ZFHX3: variants seen among roughly 807,000 people sequenced by gnomAD.
ZFHX3 encodes the protein zinc finger homeobox protein 3.
ZFHX3 carries 42 observed loss-of-function variants against 279.1 expected under a neutral mutation model. The observed-to-expected ratio is 0.15, with a 90% CI of 0.12 to 0.19. ZFHX3 has a LOEUF of 0.19. Ranked by LOEUF, ZFHX3 falls within the 10% of genes least tolerant of loss-of-function variation. The pLI is 1.00. For missense variants in ZFHX3, 4,981 were observed against 4,754.0 expected, an observed-to-expected ratio of 1.05 and a Z score of -1.40; for synonymous variants, 2,293 against 1,957.8, an observed-to-expected ratio of 1.17 and a Z score of -4.52.
At chr16:73,689,296 G>A (rs556219306) in intron 1 of ZFHX3, among the ~76,000 whole-genome samples, 1 of 152,262 alleles carries the variant, frequency 6.6e-6, no homozygotes, top group South Asian at 2.1e-4. Context: ...GGGGGTTTTA[G>A]GAAGCCCCCA....
chr16:73,057,893 C>G (rs1965595129), intron 1 of ZFHX3, among the ~76,000 whole-genome samples: 1 of 148,828 alleles, frequency 6.7e-6, no homozygotes, highest in African/African-American at 2.4e-5. Context: ...GCAGTGGCTG[C>G]GACCGCGGCG....
At chr16:73,095,328 C>G (rs888635479) in intron 7 of ZFHX3, among the ~76,000 whole-genome samples, 3 of 152,186 alleles carry the variant, frequency 2.0e-5, no homozygotes, top group African/African-American at 7.2e-5. Context: ...GAATCCCACA[C>G]TGCCAGCCCC....
At chr16:72,833,537 C>G (rs2143742553) in intron 4 of ZFHX3, among the ~76,000 whole-genome samples, 1 of 152,326 alleles carries the variant, frequency 6.6e-6, no homozygotes, top group African/African-American at 2.4e-5. Flanking sequence ...AGACACATAA[C>G]AGCCACTGTG....
rs2143405085 is a variant in ZFHX3 at position 72,794,680 on chromosome 16, G to A, written c.8002C>T (p.Arg2668Ter). 6.2e-7 allele frequency: 1 copy of A among 1,614,190 alleles called. No homozygotes were observed. The highest frequency in any genetic ancestry group is 8.5e-7 in the Non-Finnish European group (1 of 1,180,042). ...QKYLLDSNPTRKMLDHIAHEV... is the reference protein window; with the variant it reads ...QKYLLDSNPT ...TGTGCAATGTGATCCAACATCTTTC[G>A]AGTCGGATTGGAATCCAGTAGATAC... Residue 2668 changes from arginine (R) to a stop codon, truncating the protein, a stop_gained, in exon 9 of 10, where the codon CGA becomes TGA. Coordinates refer to ENST00000268489, the MANE Select transcript of ZFHX3 (RefSeq NM_006885.4). LOFTEE classifies it high-confidence loss of function. This position sits in a 1 kb window ranked among gnomAD's most constrained non-coding sequence, Gnocchi z 4.2.
intron 1 of ZFHX3, among the ~76,000 whole-genome samples, chr16:73,781,042 T>G (rs1959452294): frequency 6.6e-6 from 1 of 152,170 alleles, no homozygotes; most frequent in African/African-American, 2.4e-5. Flanking sequence ...TTAGCAGTGA[T>G]TATGATGAAC....
chr16:73,721,256 G>A (rs544158313), intron 1 of ZFHX3, among the ~76,000 whole-genome samples: 1 of 152,252 alleles, frequency 6.6e-6, no homozygotes, highest in African/African-American at 2.4e-5. Context: ...CAGGGAGCTG[G>A]GACTACAGGC....
At chr16:73,357,536 CT>C (rs1368115608) in intron 3 of ZFHX3, among the ~76,000 whole-genome samples, 1 of 152,132 alleles carries the variant, frequency 6.6e-6, no homozygotes, top group African/African-American at 2.4e-5. Flanking sequence ...ACACTGGGCC[CT>C]GTTACAGATG....
At chr16:73,796,887 C>A (rs1960007211) in intron 1 of ZFHX3, among the ~76,000 whole-genome samples, 1 of 152,154 alleles carries the variant, frequency 6.6e-6, no homozygotes, top group Admixed American at 6.5e-5. Flanking sequence ...TGAAGAGCTT[C>A]CAGGCTGAAG....
chr16:73,005,540 T>C (rs893920325), intron 1 of ZFHX3: 2 of 152,298 alleles, frequency 1.3e-5, no homozygotes, highest in Non-Finnish European at 2.9e-5. Context: ...ACGCCTGTAA[T>C]CCCAGCACTT....
chr16:73,452,275 A>T (rs1431818132), intron 3 of ZFHX3, among the ~76,000 whole-genome samples: 1 of 152,230 alleles, frequency 6.6e-6, no homozygotes, highest in African/African-American at 2.4e-5. Flanking sequence ...CATAGGTCAA[A>T]AATAGAGATG....
intron 1 of ZFHX3, among the ~76,000 whole-genome samples, chr16:73,020,838 CTTCCTA>C (rs1450710593): frequency 6.6e-6 from 1 of 152,164 alleles, no homozygotes; most frequent in Non-Finnish European, 1.5e-5. Context: ...AGCAGGATGT[CTTCCTA>C]TATAATCCAC....
At chr16:73,722,445 T>C (rs142390802) in intron 1 of ZFHX3, among the ~76,000 whole-genome samples, 258 of 152,344 alleles carry the variant, frequency 1.7e-3, no homozygotes, top group African/African-American at 6.1e-3. Flanking sequence ...TTCTCACTCT[T>C]GGCTCTGATT....
chr16:72,964,617 G>A (rs923470427), intron 1 of ZFHX3, among the ~76,000 whole-genome samples: 10 of 150,732 alleles, frequency 6.6e-5, no homozygotes, highest in Admixed American at 1.3e-4. Context: ...AGTGAGCTAC[G>A]ATCGGGCCAC....
chr16:73,574,983 T>A (rs1374787576), intron 2 of ZFHX3, among the ~76,000 whole-genome samples: 2 of 152,222 alleles, frequency 1.3e-5, no homozygotes, highest in Non-Finnish European at 2.9e-5. Flanking sequence ...GTGTTTAACT[T>A]TCAAGCTACC....
chr16:72,843,636 C>CA (rs1328217916), intron 4 of ZFHX3, among the ~76,000 whole-genome samples: 1 of 150,776 alleles, frequency 6.6e-6, no homozygotes, highest in East Asian at 2.0e-4. Context: ...CTTACACAGT[C>CA]AAACAAGACA....
intron 1 of ZFHX3, among the ~76,000 whole-genome samples, chr16:73,840,473 T>C (rs16972682): frequency 0.01 from 1,524 of 152,284 alleles, 22 homozygotes; most frequent in African/African-American, 0.035. Flanking sequence ...ACAACGTAAT[T>C]TTTCCTGGTC....
chr16:73,758,550 C>G (rs1392541252), intron 1 of ZFHX3, among the ~76,000 whole-genome samples: 1 of 152,166 alleles, frequency 6.6e-6, no homozygotes, highest in Admixed American at 6.5e-5. Context: ...TGGGGCATAC[C>G]ATCTGGTTGT....
In ZFHX3 at chr16:72,879,994, C is replaced by T. The variant is rs571135001; in HGVS notation, c.3448+9737G>A. ...GCTCTGACCCCTTTTCCTGTCCTAACAAGTGTCTTTGAGCACTTCCGGCTT... is the reference window on the plus strand; with the variant it reads ...GCTCTGACCCCTTTTCCTGTCCTAATAAGTGTCTTTGAGCACTTCCGGCTT... On this transcript the variant is annotated intron_variant, in intron 4 of 9. Transcript: ENST00000268489. Among the ~76,000 whole-genome samples the T allele has an allele frequency of 2.6e-5, 4 of 152,324 alleles. No homozygotes were observed. In the South Asian group the frequency reaches 6.2e-4, roughly 24 times the overall value.
In ZFHX3 at chr16:73,409,502, T is replaced by A. The variant is rs113593335; in HGVS notation, c.-1291+46501A>T. 8.5e-3 allele frequency among the ~76,000 whole-genome samples: 1,293 copies of A among 152,270 alleles called. 21 individuals carry two copies. Among genetic ancestry groups the A allele is most frequent in the African/African-American group, 0.029 (1,224 of 41,548 alleles). Reference sequence around the variant, plus strand: ...GCAAGGATGTGGAGAAAAGGAAACATTGCATACCACTGGTGGGAATGTAAA... The same window carrying A: ...GCAAGGATGTGGAGAAAAGGAAACAATGCATACCACTGGTGGGAATGTAAA... On this transcript the variant is annotated intron_variant, in intron 3 of 17. Coordinates refer to the ZFHX3 transcript ENST00000641206.
Sources: gnomAD v4.1 joint callset for allele counts (sites outside exome capture counted in the v4.1 genomes callset) on GRCh38, gnomAD v4.1.1 for gene constraint, Gnocchi (gnomAD v3.1) non-coding constraint, MANE v1.5 for transcripts, NCBI Gene and HGNC (gene_info 2026-07-23, HGNC 2026-07-21) for gene names.